LTBP2: variants seen among roughly 807,000 people sequenced by gnomAD.
The protein encoded by LTBP2 is latent transforming growth factor beta binding protein 2.
In LTBP2, 103 loss-of-function variants were observed where a neutral mutation model predicts 210.6. The ratio of observed to expected loss-of-function variants is 0.49; its 90% confidence interval spans 0.42 to 0.58. The LOEUF (loss-of-function observed/expected upper bound fraction) is 0.58, where lower values mean the gene tolerates loss of function less well. LTBP2 is among the 20% of genes least tolerant of loss of function. The pLI is 0.00. For missense variants in LTBP2, 2,313 were observed against 2,494.5 expected, an observed-to-expected ratio of 0.93 and a Z score of 1.55; for synonymous variants, 1,007 against 1,015.0, an observed-to-expected ratio of 0.99 and a Z score of 0.15.
intron 2 of LTBP2, among the ~76,000 whole-genome samples, chr14:74,591,072 G>A (rs1367962607): frequency 6.6e-6 from 1 of 152,124 alleles, no homozygotes; most frequent in Non-Finnish European, 1.5e-5. Flanking sequence ...AGCCCCTACG[G>A]CACACCACGA....
chr14:74,509,157 GC>G (rs1377734470), intron 22 of LTBP2, 80 bp downstream of exon 22: 2 of 1,604,912 alleles, frequency 1.2e-6, no homozygotes, highest in Non-Finnish European at 1.7e-6. Flanking sequence ...AGCCTCAGCA[GC>G]CCCCCACCTG....
At chr14:74,596,764 G>A (rs1333602806) in intron 2 of LTBP2, among the ~76,000 whole-genome samples, 6 of 152,228 alleles carry the variant, frequency 3.9e-5, no homozygotes, top group Non-Finnish European at 8.8e-5. Flanking sequence ...TGTAGCCCCT[G>A]GGTGGCTGGC....
chr14:74,498,221 A>T lies in LTBP2; in HGVS notation c.*2663T>A. 1 of 178,024 alleles carries T rather than the reference A, an allele frequency of 5.6e-6. No individual in the cohort carries two copies. Among genetic ancestry groups the T allele is most frequent in the Middle Eastern group, 2.2e-3 (1 of 450 alleles). 11.0% of individuals were successfully genotyped at this position (178,024 alleles called of 1,614,324 possible). A position where few individuals can be genotyped will look rare whatever the true frequency, so the allele number is the denominator to read the frequency against. On this transcript the variant is annotated 3_prime_UTR_variant, in exon 36 of 36. Transcript: ENST00000261978. ...ATTTTATTTTTTTTGAATAGGTGAT[A>T]CATATGGTACAAAATTCAAAAAAAT...
At chr14:74,552,129 C>T (rs917553285) in intron 6 of LTBP2, 58 bp downstream of exon 6, 2 of 1,501,718 alleles carry the variant, frequency 1.3e-6, no homozygotes, top group Non-Finnish European at 1.8e-6. Flanking sequence ...TGGTGACAGC[C>T]TCCACCCAAC....
rs2086892183 is a variant in LTBP2, at chr14:74,500,008, T to C, written c.*876A>G. 1 of 231,818 alleles carries C rather than the reference T, an allele frequency of 4.3e-6. No individual in the cohort carries two copies. Among genetic ancestry groups the C allele is most frequent in the Non-Finnish European group, 8.5e-6 (1 of 117,214 alleles). 14.4% of individuals were successfully genotyped at this position (231,818 alleles called of 1,614,324 possible). On this transcript the variant is annotated 3_prime_UTR_variant, in exon 36 of 36. Transcript: ENST00000261978. The stretch of plus-strand genomic sequence containing the variant: ...CACAAAAGGAGATCCCAGAAGAGGT[T>C]TGTTTCCTGTAAGAAGCAGTGTTTA...
At chr14:74,569,700 A>T (rs1481598505) in intron 3 of LTBP2, among the ~76,000 whole-genome samples, 1 of 152,168 alleles carries the variant, frequency 6.6e-6, no homozygotes, top group Non-Finnish European at 1.5e-5. Flanking sequence ...TCTTGATGAA[A>T]TAATTGCTAT....
chr14:74,595,001 G>A (rs968104612), intron 2 of LTBP2, among the ~76,000 whole-genome samples: 3 of 152,250 alleles, frequency 2.0e-5, no homozygotes, highest in African/African-American at 7.2e-5. Flanking sequence ...CTGCACTGGG[G>A]CTCAGGGGCC....
Position 74,528,556 on chromosome 14 carries a change from G to A in LTBP2, c.2295C>T (p.Pro765=), listed in dbSNP as rs148839448. The A allele has an allele frequency of 5.6e-5, 91 of 1,613,134 alleles. No homozygotes were observed. The highest frequency in any genetic ancestry group is 2.0e-4 in the South Asian group (18 of 91,062). The stretch of plus-strand genomic sequence containing the variant: ...GGAGGGGCTGCCTCTCTGCTGGCCC[G>A]GGCAGTGCCCCGCTGCTCCTCTGCC... ...EQGQRSSGAL[P]GPAERQPLRV... The change falls in exon 12 of 36, where the codon CCC becomes CCT. Residue 765 remains proline (P), a synonymous_variant. Transcript: ENST00000261978.
chr14:74,511,534 C>T (rs1462960244), intron 18 of LTBP2, among the ~76,000 whole-genome samples, 170 bp from the exon 19 acceptor site: 2 of 152,136 alleles, frequency 1.3e-5, no homozygotes, highest in African/African-American at 4.8e-5. Flanking sequence ...TCTCACCCAC[C>T]GTCTGGGACA....
chr14:74,578,482 C>T (rs2088090968), intron 3 of LTBP2, among the ~76,000 whole-genome samples: 1 of 152,068 alleles, frequency 6.6e-6, no homozygotes, highest in Non-Finnish European at 1.5e-5. Context: ...CAAATTTAAC[C>T]CCCCTGCCCC....
Position 74,506,679 on chromosome 14 carries a change from T to C in LTBP2, c.4033+19A>G, listed in dbSNP as rs966390672. 6.2e-7 allele frequency: 1 copy of C among 1,612,396 alleles called. No homozygotes were observed. Among genetic ancestry groups the C allele is most frequent in the Non-Finnish European group, 8.5e-7 (1 of 1,179,934 alleles). On this transcript the variant is annotated intron_variant, in intron 27 of 35. Transcript: ENST00000261978. Reference sequence around the variant, plus strand: ...TCCCTTCCCTGGCCCAGACCTTGGGTAGCCCACAGGCTCCTCACCCACACA... The same window carrying C: ...TCCCTTCCCTGGCCCAGACCTTGGGCAGCCCACAGGCTCCTCACCCACACA...
intron 1 of LTBP2, among the ~76,000 whole-genome samples, chr14:74,609,899 C>A (rs1241919050): frequency 6.6e-6 from 1 of 152,280 alleles, no homozygotes. Context: ...TGGAAGCATG[C>A]ATTCACTTGC....
At chr14:74,560,394 T>C (rs977721394) in intron 3 of LTBP2, among the ~76,000 whole-genome samples, 2 of 152,236 alleles carry the variant, frequency 1.3e-5, no homozygotes, top group Non-Finnish European at 2.9e-5. Flanking sequence ...CTGTGGACTC[T>C]GGGCTTTTCA....
At position 74,586,105 on chromosome 14, in the gene LTBP2, C is replaced by T. The variant is rs762779429; in HGVS notation, c.579G>A (p.Pro193=). The T allele has an allele frequency of 1.1e-5, 17 of 1,596,012 alleles. No homozygotes were observed. The highest frequency in any genetic ancestry group is 6.8e-5 in the East Asian group (3 of 44,100). The part of the protein sequence containing the change: ...TNHCIKPVCE[P]PCQNRGSCSR... ...TGCAGGAGCCCCGGTTCTGGCACGG[C>T]GGCTCGCAAACGGCTGAGGACACAG... Residue 193 remains proline, a synonymous_variant, in exon 3 of 36, where the codon CCG becomes CCA. Transcript: ENST00000261978. The surrounding 1 kb of genome is among the most constrained non-coding windows in gnomAD (Gnocchi z 4.6).
chr14:74,570,397 C>T (rs2087960024), intron 3 of LTBP2, among the ~76,000 whole-genome samples: 1 of 152,138 alleles, frequency 6.6e-6, no homozygotes, highest in Non-Finnish European at 1.5e-5. Flanking sequence ...CCCCGACAAG[C>T]ACACTGTAGA....
In LTBP2 at chr14:74,551,303, C is replaced by T. The variant is rs190681740; in HGVS notation, c.1447G>A (p.Glu483Lys). The T allele has an allele frequency of 6.9e-6, 11 of 1,597,666 alleles. No individual in the cohort carries two copies. Among genetic ancestry groups the T allele is most frequent in the South Asian group, 3.4e-5 (3 of 89,106 alleles). Residue 483 changes from glutamate to lysine, a missense_variant, in exon 7 of 36, where the codon GAG becomes AAG. By Grantham distance (56) the Glu-to-Lys change is moderately conservative. Coordinates refer to ENST00000261978, the MANE Select transcript of LTBP2 (RefSeq NM_000428.3). ...LVKVHIHHPP[E>K]ASVQIHQVAQ... ...ACCTGGTGGATCTGCACTGAGGCCT[C>T]GGGTGGGTGGTGAATGTGCACCTTC...
intron 3 of LTBP2, among the ~76,000 whole-genome samples, chr14:74,569,528 A>G (rs893382157): frequency 1.3e-5 from 2 of 152,104 alleles, no homozygotes; most frequent in African/African-American, 2.4e-5. Flanking sequence ...GGCTATTAGA[A>G]CAGGGCATCT....
In LTBP2 at chr14:74,569,913, C is replaced by T. The variant is rs191759259; in HGVS notation, c.831-14220G>A. On this transcript the variant is annotated intron_variant, in intron 3 of 35. Transcript: ENST00000261978. Reference sequence around the variant, plus strand: ...AGTCCTAAAGCTCAGGACTGCCAGGCTCTAAAGCTCATCTCACCCCTCCCA... The same window carrying T: ...AGTCCTAAAGCTCAGGACTGCCAGGTTCTAAAGCTCATCTCACCCCTCCCA... Among the ~76,000 whole-genome samples, 98 of 152,274 alleles carry T rather than the reference C, an allele frequency of 6.4e-4. 1 individual carries two copies. The East Asian group carries it at 0.014, about 22-fold the overall frequency.
At chr14:74,578,030 G>A (rs2088083955) in intron 3 of LTBP2, among the ~76,000 whole-genome samples, 1 of 151,946 alleles carries the variant, frequency 6.6e-6, no homozygotes, top group Non-Finnish European at 1.5e-5. Flanking sequence ...CAAGCAGAAG[G>A]CCCGCAGCAG....
Sources: gnomAD v4.1 joint callset for allele counts (sites outside exome capture counted in the v4.1 genomes callset) on GRCh38, gnomAD v4.1.1 for gene constraint, Gnocchi (gnomAD v3.1) non-coding constraint, MANE v1.5 for transcripts, NCBI Gene and HGNC (gene_info 2026-07-23, HGNC 2026-07-21) for gene names.